ELMO1: variants seen among roughly 807,000 people sequenced by gnomAD.
The protein encoded by ELMO1 is engulfment and cell motility protein 1.
ELMO1 carries 26 observed loss-of-function variants against 98.9 expected under a neutral mutation model. That is an observed-to-expected ratio of 0.26 (90% CI 0.19 to 0.36). The LOEUF (loss-of-function observed/expected upper bound fraction) is 0.36. Ranked by LOEUF, ELMO1 falls within the 10% of genes least tolerant of loss-of-function variation. The pLI, the probability that ELMO1 is intolerant of heterozygous loss-of-function variation, is 1.00. For synonymous variants in ELMO1, 346 were observed against 346.0 expected (o/e 1.00, Z 0.00); for missense variants, 627 against 935.2 (o/e 0.67, Z 4.30).
At chr7:37,429,017 C>T (rs977507087) in intron 1 of ELMO1, among the ~76,000 whole-genome samples, 6 of 106,122 alleles carry the variant, frequency 5.7e-5, no homozygotes, top group African/African-American at 2.4e-4. Flanking sequence ...ACACGTACTG[C>T]AGGTTGTTGT....
At chr7:37,290,668 T>C (rs961620347) in intron 4 of ELMO1, among the ~76,000 whole-genome samples, 1 of 152,226 alleles carries the variant, frequency 6.6e-6, no homozygotes, top group Non-Finnish European at 1.5e-5. Context: ...TGTTAAAGAA[T>C]ATTCTAATAA....
At chr7:37,000,936 T>TACACACACACACAC (rs978102382) in intron 16 of ELMO1, among the ~76,000 whole-genome samples, 2 of 126,252 alleles carry the variant, frequency 1.6e-5, no homozygotes, top group Non-Finnish European at 3.2e-5. Context: ...TGTATATGTG[T>TACACACACACACAC]ATACACACAC....
intron 15 of ELMO1, among the ~76,000 whole-genome samples, chr7:37,025,355 A>C (rs1794505729): frequency 6.6e-6 from 1 of 152,212 alleles, no homozygotes; most frequent in African/African-American, 2.4e-5. Flanking sequence ...AGTGGTATTG[A>C]TGAGGCATAG....
chr7:37,374,523 G>A (rs549466300), intron 1 of ELMO1, among the ~76,000 whole-genome samples: 34 of 152,078 alleles, frequency 2.2e-4, no homozygotes, highest in African/African-American at 7.7e-4. Flanking sequence ...AGGCCGAGGC[G>A]GGTGGATCAC....
Position 37,216,633 on chromosome 7 carries a change from A to T in ELMO1, c.831+12T>A. On this transcript the variant is annotated intron_variant, in intron 11 of 21. Transcript: ENST00000310758. ...CTCCCCCACAAAGAGGTCACAGCGC[A>T]TAGGTACTCACTGTTAAAATGATGG... 6.2e-7 allele frequency: 1 copy of T among 1,614,002 alleles called. No individual in the cohort carries two copies. Among genetic ancestry groups the T allele is most frequent in the Non-Finnish European group, 8.5e-7 (1 of 1,179,838 alleles).
intron 1 of ELMO1, among the ~76,000 whole-genome samples, chr7:37,348,632 C>T (rs1198039185): frequency 6.6e-6 from 1 of 152,088 alleles, no homozygotes; most frequent in Non-Finnish European, 1.5e-5. Context: ...CGTGAACAAG[C>T]CCACTCTTCC....
intron 7 of ELMO1, among the ~76,000 whole-genome samples, chr7:37,234,476 T>C (rs565876349): frequency 3.3e-5 from 5 of 152,274 alleles, no homozygotes; most frequent in African/African-American, 9.6e-5. Context: ...ATGGAACCTA[T>C]AGAAGGGGAA....
chr7:37,001,174 T>G (rs556846725), intron 16 of ELMO1, among the ~76,000 whole-genome samples: 1 of 152,310 alleles, frequency 6.6e-6, no homozygotes, highest in East Asian at 1.9e-4. Flanking sequence ...GAGATTCTGA[T>G]GGAGGGGTCT....
At position 37,315,967 on chromosome 7, in the gene ELMO1, A is replaced by T. The variant is rs766510461; in HGVS notation, c.79-7T>A. On this transcript the variant is annotated splice_region_variant and splice_polypyrimidine_tract_variant and intron_variant, in intron 2 of 21. Transcript: ENST00000310758. The stretch of plus-strand genomic sequence containing the variant: ...TTGCAGACAGTGGTTTTTTCTGCAA[A>T]ATAACAAAAAAGGAAATACTTGTTA... The T allele has an allele frequency of 5.3e-6, 8 of 1,517,776 alleles. 1 individual carries two copies. In the South Asian group the frequency reaches 9.5e-5, roughly 18 times the overall value. The allele number at this position is 1,517,776 out of a possible 1,614,324, so 94.0% of individuals were successfully genotyped here. A position where few individuals can be genotyped will look rare whatever the true frequency, so the allele number is the denominator to read the frequency against.
chr7:37,070,941 G>A (rs1282158766), intron 15 of ELMO1, among the ~76,000 whole-genome samples: 1 of 152,148 alleles, frequency 6.6e-6, no homozygotes. Flanking sequence ...TTATGTCAAT[G>A]AGCCTAGATT....
chr7:37,343,824 TTG>T (rs895949992), intron 1 of ELMO1, among the ~76,000 whole-genome samples: 1 of 152,100 alleles, frequency 6.6e-6, no homozygotes, highest in African/African-American at 2.4e-5. Context: ...TGATACAAAC[TTG>T]TGTGTGTATG....
chr7:37,042,395 G>C (rs1333578986), intron 15 of ELMO1, among the ~76,000 whole-genome samples: 1 of 151,944 alleles, frequency 6.6e-6, no homozygotes, highest in African/African-American at 2.4e-5. Flanking sequence ...TAACCCTACT[G>C]CTGCTGGTAG....
chr7:37,188,501 A>AAAATAATAATAAT lies in ELMO1; in HGVS notation c.1086+22884_1086+22885insATTATTATTATTT, dbSNP rs764889756. ...CTGGAGAAAGGTAAAAAAAAAAAAA[A>AAAATAATAATAAT]AATAATAATAATAATAATAATAATA... On this transcript the variant is annotated intron_variant, in intron 13 of 21. Coordinates refer to ENST00000310758, the MANE Select transcript of ELMO1 (RefSeq NM_014800.11). 1.6e-5 allele frequency among the ~76,000 whole-genome samples: 2 copies of AAAATAATAATAAT among 125,960 alleles called. 1 individual carries two copies. Among genetic ancestry groups the AAAATAATAATAAT allele is most frequent in the Non-Finnish European group, 3.3e-5 (2 of 61,450 alleles). The allele number at this position is 125,960 out of a possible 152,430, so 82.6% of individuals were successfully genotyped here. A position where few individuals can be genotyped will look rare whatever the true frequency, so the allele number is the denominator to read the frequency against.
rs1476046061 is a variant in ELMO1 at position 36,870,018 on chromosome 7, T to C, written c.1905+375A>G. Among the ~76,000 whole-genome samples the C allele has an allele frequency of 6.6e-6, 1 of 152,034 alleles. No homozygotes were observed. Among genetic ancestry groups the C allele is most frequent in the Admixed American group, 6.6e-5 (1 of 15,266 alleles). ...TACAGCAGAAGACAATGAAAGATAT[T>C]GGGGTGGAAGTTGGAGAAGGGAGAA... is the stretch of plus-strand genomic sequence containing the variant. On this transcript the variant is annotated intron_variant, in intron 20 of 21. Transcript: ENST00000310758. The surrounding 1 kb of genome is among the most constrained non-coding windows in gnomAD (Gnocchi z 4.4).
chr7:37,145,987 A>G (rs1024904218), intron 13 of ELMO1, among the ~76,000 whole-genome samples: 3 of 152,154 alleles, frequency 2.0e-5, no homozygotes, highest in Non-Finnish European at 4.4e-5. Flanking sequence ...TGGGTGTTTC[A>G]ATAAGCTCCT....
intron 2 of ELMO1, among the ~76,000 whole-genome samples, chr7:37,327,768 C>T (rs1399295620): frequency 6.6e-6 from 1 of 152,014 alleles, no homozygotes; most frequent in Non-Finnish European, 1.5e-5. Context: ...TTCTGAGTCT[C>T]AAAAAATGTC....
At chr7:37,287,639 AC>A (rs1451060537) in intron 4 of ELMO1, among the ~76,000 whole-genome samples, 3 of 152,236 alleles carry the variant, frequency 2.0e-5, no homozygotes, top group African/African-American at 7.2e-5. Flanking sequence ...TGAAAAGTTT[AC>A]GTTTTTATAT....
chr7:37,397,835 A>T (rs576487717), intron 1 of ELMO1, among the ~76,000 whole-genome samples: 1 of 152,352 alleles, frequency 6.6e-6, no homozygotes, highest in South Asian at 2.1e-4. Context: ...AAGGAATGAG[A>T]TTATGTCCTT....
At chr7:36,923,437 G>A (rs1402659176) in intron 16 of ELMO1, among the ~76,000 whole-genome samples, 2 of 152,136 alleles carry the variant, frequency 1.3e-5, no homozygotes, top group African/African-American at 4.8e-5. Context: ...AAGCCTACAA[G>A]GAAGAAAATA....
Sources: gnomAD v4.1 joint callset for allele counts (sites outside exome capture counted in the v4.1 genomes callset) on GRCh38, gnomAD v4.1.1 for gene constraint, Gnocchi (gnomAD v3.1) non-coding constraint, MANE v1.5 for transcripts, NCBI Gene and HGNC (gene_info 2026-07-23, HGNC 2026-07-21) for gene names.